The following BCAT1 variants were observed in gnomAD, a reference collection of about 807,000 sequenced individuals.
The protein encoded by BCAT1 is branched chain amino acid transaminase 1, also known as branched-chain-amino-acid aminotransferase, cytosolic.
Under a neutral mutation model 52.4 loss-of-function variants are expected in BCAT1, and 48 were observed. The ratio of observed to expected loss-of-function variants is 0.92; its 90% CI spans 0.73 to 1.16. BCAT1 has a LOEUF of 1.16. Among genes scored for constraint, BCAT1 ranks in the 50% most tolerant of loss-of-function variants. The pLI, the probability that BCAT1 is intolerant of heterozygous loss-of-function variation, is 0.00. For synonymous variants in BCAT1, 167 were observed against 161.3 expected, an observed-to-expected ratio of 1.04 and a Z score of -0.27; for missense variants, 451 against 457.1, an observed-to-expected ratio of 0.99 and a Z score of 0.12.
intron 5 of BCAT1, among the ~76,000 whole-genome samples, chr12:24,852,217 C>A (rs1226592942): frequency 2.0e-5 from 3 of 152,168 alleles, no homozygotes; most frequent in African/African-American, 4.8e-5. Flanking sequence ...AACTGTGAGT[C>A]AATTAAACCT....
Position 24,863,659 on chromosome 12 carries a change from G to C in BCAT1, c.511-13710C>G, listed in dbSNP as rs1941916970. On this transcript the variant is annotated intron_variant, in intron 5 of 10. Coordinates refer to ENST00000261192, the MANE Select transcript of BCAT1 (RefSeq NM_005504.7). ...AAAGGCCATGCTTTGGCTGGGCACA[G>C]TGGCCCCCACCTTTAATTCCAGCAC... Among the ~76,000 whole-genome samples, 4 of 152,226 alleles carry C rather than the reference G, an allele frequency of 2.6e-5. No homozygotes were observed. The South Asian group carries it at 8.3e-4, about 32-fold the overall frequency.
At chr12:24,863,816 A>G (rs1941921665) in intron 5 of BCAT1, among the ~76,000 whole-genome samples, 1 of 152,148 alleles carries the variant, frequency 6.6e-6, no homozygotes, top group Non-Finnish European at 1.5e-5. Flanking sequence ...CTGTAATCCT[A>G]GACACTCAGG....
At chr12:24,826,465 TG>T (rs1940403784) in intron 10 of BCAT1, among the ~76,000 whole-genome samples, 1 of 152,164 alleles carries the variant, frequency 6.6e-6, no homozygotes, top group Non-Finnish European at 1.5e-5. Context: ...CTTAGGTATC[TG>T]GGTTCTCTAT....
intron 2 of BCAT1, among the ~76,000 whole-genome samples, chr12:24,894,991 A>G (rs1211951938): frequency 6.6e-6 from 1 of 152,246 alleles, no homozygotes; most frequent in Non-Finnish European, 1.5e-5. Flanking sequence ...AGAAATGAGC[A>G]AAGTGAAGCA....
intron 7 of BCAT1, among the ~76,000 whole-genome samples, chr12:24,840,608 C>T (rs978684217): frequency 6.6e-6 from 1 of 152,186 alleles, no homozygotes; most frequent in Non-Finnish European, 1.5e-5. Flanking sequence ...CAGGACAAGG[C>T]TTACTCACCA....
rs1428199566 is a variant in BCAT1 at position 24,811,936 on chromosome 12, G to A, written c.*6072C>T. 6.6e-6 allele frequency: 1 copy of A among 152,104 alleles called. No homozygotes were observed. Among genetic ancestry groups the A allele is most frequent in the African/African-American group, 2.4e-5 (1 of 41,438 alleles). The allele number at this position is 152,104 out of a possible 1,614,324, so 9.4% of individuals were successfully genotyped here. ...ACTACTTATTTTTCCTCAGCCACAAGTAAGCGCAAATCCTTAAAAACAGTG... is the reference window on the plus strand; with the variant it reads ...ACTACTTATTTTTCCTCAGCCACAAATAAGCGCAAATCCTTAAAAACAGTG... On this transcript the variant is annotated 3_prime_UTR_variant, in exon 11 of 11. Coordinates refer to ENST00000261192, the MANE Select transcript of BCAT1 (RefSeq NM_005504.7).
In BCAT1 at chr12:24,814,285, C is replaced by A. The variant is rs943902537; in HGVS notation, c.*3723G>T. ...AACCCTTAACTCTTCTGCCGGCTTA[C>A]TTGGTACCTCTGATGAATATTTATT... On this transcript the variant is annotated 3_prime_UTR_variant, in exon 11 of 11. Coordinates refer to ENST00000261192, the MANE Select transcript of BCAT1 (RefSeq NM_005504.7). 1 of 152,034 alleles carries A rather than the reference C, an allele frequency of 6.6e-6. No individual in the cohort carries two copies. The highest frequency in any genetic ancestry group is 2.4e-5 in the African/African-American group (1 of 41,426). 9.4% of individuals were successfully genotyped at this position (152,034 alleles called of 1,614,324 possible). A position where few individuals can be genotyped will look rare whatever the true frequency, so the allele number is the denominator to read the frequency against.
At chr12:24,868,450 T>G (rs1169167167) in intron 5 of BCAT1, among the ~76,000 whole-genome samples, 1 of 152,194 alleles carries the variant, frequency 6.6e-6, no homozygotes, top group Non-Finnish European at 1.5e-5. Flanking sequence ...TATTTATATT[T>G]TTTAAAAAGG....
rs1940593357 is a variant in BCAT1 at position 24,830,152 on chromosome 12, C to T, written c.1045-255G>A. On this transcript the variant is annotated intron_variant, in intron 9 of 10. Coordinates refer to ENST00000261192, the MANE Select transcript of BCAT1 (RefSeq NM_005504.7). ...TTTTAGGGCATAACTGGTTTGTATA[C>T]CAGCCTTCAGGATCATTTGAAGAAC... 5 of 335,350 alleles carry T rather than the reference C, an allele frequency of 1.5e-5. No homozygotes were observed. In the Admixed American group the frequency reaches 1.9e-4, roughly 13 times the overall value. 20.8% of individuals were successfully genotyped at this position (335,350 alleles called of 1,614,324 possible).
At chr12:24,821,673 T>A (rs1435023437) in intron 10 of BCAT1, among the ~76,000 whole-genome samples, 1 of 152,192 alleles carries the variant, frequency 6.6e-6, no homozygotes, top group Non-Finnish European at 1.5e-5. Flanking sequence ...TGCATACGCA[T>A]TATACCCTAG....
chr12:24,943,745 G>A (rs1943885609), intron 1 of BCAT1, among the ~76,000 whole-genome samples: 2 of 152,138 alleles, frequency 1.3e-5, no homozygotes, highest in Non-Finnish European at 2.9e-5. Flanking sequence ...AGCACCTTGG[G>A]TGGCCGAGGC....
At chr12:24,875,327 C>A (rs1288791598) in intron 5 of BCAT1, among the ~76,000 whole-genome samples, 1 of 152,168 alleles carries the variant, frequency 6.6e-6, no homozygotes, top group Non-Finnish European at 1.5e-5. Flanking sequence ...CTTTCTGAAT[C>A]ACAAGTGATG....
rs1229323734 is a variant in BCAT1 at position 24,811,815 on chromosome 12, A to G, written c.*6193T>C. On this transcript the variant is annotated 3_prime_UTR_variant, in exon 11 of 11. Coordinates refer to ENST00000261192, the MANE Select transcript of BCAT1 (RefSeq NM_005504.7). The stretch of plus-strand genomic sequence containing the variant: ...TATCAGTACAATAGTAATTGCAATC[A>G]GATTCAGATACAAGAGAACAGGTTC... The G allele has an allele frequency of 6.6e-6, 1 of 152,172 alleles. No individual in the cohort carries two copies. Among genetic ancestry groups the G allele is most frequent in the Non-Finnish European group, 1.5e-5 (1 of 67,980 alleles). 9.4% of individuals were successfully genotyped at this position (152,172 alleles called of 1,614,324 possible). A position where few individuals can be genotyped will look rare whatever the true frequency, so the allele number is the denominator to read the frequency against.
chr12:24,836,288 T>G (rs1483478627), intron 8 of BCAT1, among the ~76,000 whole-genome samples: 5 of 152,180 alleles, frequency 3.3e-5, no homozygotes, highest in Non-Finnish European at 7.3e-5. Context: ...CACTATGACA[T>G]CTTGCTAAAC....
intron 9 of BCAT1, 113 bp from the exon 10 acceptor site, chr12:24,830,010 ATAGCACTAAAACCTACTGACTCTGAGTGC>A: frequency 1.4e-6 from 1 of 696,840 alleles, no homozygotes; most frequent in Non-Finnish European, 2.3e-6. Flanking sequence ...AAGTTAAGGA[ATAGCACTAAAACCTACTGACTCTGAGTGC>A]TAGCACCTTA....
At chr12:24,895,061 G>T (rs77348580) in intron 2 of BCAT1, among the ~76,000 whole-genome samples, 3,035 of 152,268 alleles carry the variant, frequency 0.02, 54 homozygotes, top group Admixed American at 0.042. Flanking sequence ...TAAATCCTCT[G>T]TTCTGTGTGG....
At chr12:24,826,756 T>TG (rs1262324836) in intron 10 of BCAT1, among the ~76,000 whole-genome samples, 1 of 152,222 alleles carries the variant, frequency 6.6e-6, no homozygotes, top group Admixed American at 6.5e-5. Flanking sequence ...AATTAATTCT[T>TG]CCAATCCATG....
intron 5 of BCAT1, among the ~76,000 whole-genome samples, chr12:24,861,389 G>C (rs1335282888): frequency 6.6e-6 from 1 of 152,194 alleles, no homozygotes; most frequent in Non-Finnish European, 1.5e-5. Flanking sequence ...CTTTACTGTT[G>C]TAGAATATAT....
chr12:24,890,426 C>T (rs368460164), intron 3 of BCAT1, among the ~76,000 whole-genome samples: 9 of 152,004 alleles, frequency 5.9e-5, no homozygotes, highest in Non-Finnish European at 1.0e-4. Flanking sequence ...GATAGGAGGT[C>T]GGCACAACAT....
Sources: gnomAD v4.1 joint callset for allele counts (sites outside exome capture counted in the v4.1 genomes callset) on GRCh38, gnomAD v4.1.1 for gene constraint, MANE v1.5 for transcripts, NCBI Gene and HGNC (gene_info 2026-07-23, HGNC 2026-07-21) for gene names.